Variants in LYN observed in about 807,000 individuals in gnomAD.
The protein encoded by LYN is LYN proto-oncogene, Src family tyrosine kinase.
Under a neutral mutation model 65.0 loss-of-function variants are expected in LYN, and 12 were observed. That is an observed-to-expected ratio of 0.18 (90% CI 0.12 to 0.30). The LOEUF (loss-of-function observed/expected upper bound fraction) is 0.30, where lower values mean the gene tolerates loss of function less well. Among genes scored for constraint, LYN ranks in the 10% least tolerant of loss-of-function variants. The pLI, the probability that LYN is intolerant of heterozygous loss-of-function variation, is 1.00. For synonymous variants in LYN, 222 were observed against 221.2 expected (o/e 1.00, Z -0.03); for missense variants, 380 against 623.2 (o/e 0.61, Z 4.16).
intron 8 of LYN, among the ~76,000 whole-genome samples, chr8:55,959,452 C>T (rs1180619798): frequency 6.6e-6 from 1 of 152,108 alleles, no homozygotes; most frequent in Non-Finnish European, 1.5e-5. Context: ...AGAAATTGTG[C>T]AGGTAAGTTC....
At chr8:55,990,541 C>T (rs998717617) in intron 10 of LYN, among the ~76,000 whole-genome samples, 1 of 152,144 alleles carries the variant, frequency 6.6e-6, no homozygotes, top group Non-Finnish European at 1.5e-5. Context: ...CTTTGCAGGG[C>T]CGTTTCAAAA....
At chr8:55,954,956 G>A (rs1807063809) in intron 8 of LYN, 1 of 152,184 alleles carries the variant, frequency 6.6e-6, no homozygotes, top group Non-Finnish European at 1.5e-5. Context: ...TCTTTTAATG[G>A]TTCTAATGGA....
intron 1 of LYN, among the ~76,000 whole-genome samples, chr8:55,916,144 TTAAC>T (rs756617689): frequency 5.9e-5 from 9 of 152,210 alleles, no homozygotes; most frequent in East Asian, 1.9e-4. Flanking sequence ...AGTTTCATGT[TTAAC>T]TAAATCTTCA....
At chr8:55,923,801 A>T (rs1360565221) in intron 1 of LYN, among the ~76,000 whole-genome samples, 1 of 152,096 alleles carries the variant, frequency 6.6e-6, no homozygotes, top group East Asian at 1.9e-4. Context: ...CGGCCTCCCA[A>T]TTGTTGGGAT....
At chr8:55,931,680 A>G (rs1401968611) in intron 1 of LYN, among the ~76,000 whole-genome samples, 1 of 151,812 alleles carries the variant, frequency 6.6e-6, no homozygotes, top group African/African-American at 2.4e-5. Flanking sequence ...ATATCTTTTT[A>G]TGTCAATAAA....
intron 9 of LYN, among the ~76,000 whole-genome samples, chr8:55,967,839 C>T (rs1159521592): frequency 6.6e-6 from 1 of 152,154 alleles, no homozygotes; most frequent in Non-Finnish European, 1.5e-5. Flanking sequence ...TGTTCACCTC[C>T]AGTTCAGGAA....
intron 8 of LYN, among the ~76,000 whole-genome samples, chr8:55,963,755 T>C (rs1178890440): frequency 1.3e-5 from 2 of 152,264 alleles, no homozygotes; most frequent in African/African-American, 4.8e-5. Flanking sequence ...CTTCTGATTT[T>C]TCTTATTGAT....
chr8:55,964,935 G>T (rs1442822365), intron 8 of LYN, among the ~76,000 whole-genome samples: 6 of 152,138 alleles, frequency 3.9e-5, no homozygotes. Context: ...CCTTTCCTTA[G>T]GTGGATAGGG....
intron 1 of LYN, among the ~76,000 whole-genome samples, chr8:55,919,546 A>G (rs1805884182): frequency 6.6e-6 from 1 of 152,194 alleles, no homozygotes; most frequent in South Asian, 2.1e-4. Context: ...TGAAGAAAGA[A>G]TCTATAATCC....
intron 10 of LYN, among the ~76,000 whole-genome samples, chr8:55,976,036 C>T (rs967120989): frequency 1.3e-5 from 2 of 151,888 alleles, no homozygotes; most frequent in South Asian, 2.1e-4. Context: ...TGAGTGCTAC[C>T]GTAAGTCACA....
At chr8:55,891,737 G>A (rs77375140) in intron 1 of LYN, among the ~76,000 whole-genome samples, 1 of 152,162 alleles carries the variant, frequency 6.6e-6, no homozygotes, top group African/African-American at 2.4e-5. Flanking sequence ...TGAAAAAAAA[G>A]TTGCTTGATG....
chr8:55,885,405 A>G (rs1362352720), intron 1 of LYN, among the ~76,000 whole-genome samples: 1 of 152,212 alleles, frequency 6.6e-6, no homozygotes, highest in Non-Finnish European at 1.5e-5. Context: ...TTCTGTGAGC[A>G]TCTGAAATCT....
chr8:55,905,589 C>G (rs6474030), intron 1 of LYN, among the ~76,000 whole-genome samples: 137,888 of 152,222 alleles, frequency 0.91, 62,591 homozygotes, highest in East Asian at 0.98. Context: ...AAGGTCATCT[C>G]GGGAAAAGGG....
chr8:55,943,197 A>G (rs1216390081), intron 2 of LYN, among the ~76,000 whole-genome samples: 1 of 152,206 alleles, frequency 6.6e-6, no homozygotes, highest in Admixed American at 6.6e-5. Context: ...CTTTGCATAT[A>G]TGTATTCTCT....
intron 3 of LYN, 92 bp downstream of exon 3, chr8:55,946,585 A>G: frequency 1.2e-6 from 1 of 817,292 alleles, no homozygotes; most frequent in South Asian, 1.5e-5. Context: ...ATTTTTTTTT[A>G]TTGTGGGACA....
intron 1 of LYN, 23 bp from the exon 2 acceptor site, chr8:55,941,832 T>C (rs2032911120): frequency 5.6e-6 from 9 of 1,604,824 alleles, no homozygotes; most frequent in Non-Finnish European, 6.8e-6. Flanking sequence ...TAAAACAATG[T>C]CATTACTTTT....
intron 1 of LYN, among the ~76,000 whole-genome samples, chr8:55,883,522 G>A (rs1003489382): frequency 6.6e-6 from 1 of 152,142 alleles, no homozygotes; most frequent in Non-Finnish European, 1.5e-5. Context: ...GCTGCTGTCC[G>A]AGCAGCCCTA....
intron 1 of LYN, among the ~76,000 whole-genome samples, chr8:55,896,955 A>G (rs1274860845): frequency 6.6e-6 from 1 of 152,048 alleles, no homozygotes; most frequent in Non-Finnish European, 1.5e-5. Context: ...GGCCAGGTTA[A>G]TCTCAAACTC....
At chr8:55,923,367 G>T (rs1279473681) in intron 1 of LYN, among the ~76,000 whole-genome samples, 1 of 151,994 alleles carries the variant, frequency 6.6e-6, no homozygotes, top group African/African-American at 2.4e-5. Context: ...TCTCTGTCAA[G>T]CTACACCTGC....
Sources: allele counts gnomAD v4.1 joint callset (sites outside exome capture counted in the v4.1 genomes callset), GRCh38; gene constraint gnomAD v4.1.1; transcripts MANE v1.5; gene names NCBI Gene and HGNC (gene_info 2026-07-23, HGNC 2026-07-21).